CHRM3: variants seen among roughly 807,000 people sequenced by gnomAD.
CHRM3 encodes the protein cholinergic receptor muscarinic 3.
Under a neutral mutation model 41.8 loss-of-function variants are expected in CHRM3, and 11 were observed. That is an observed-to-expected ratio of 0.26 (90% CI 0.17 to 0.44). The LOEUF is 0.44. Among genes scored for constraint, CHRM3 ranks in the 20% least tolerant of loss-of-function variants. The pLI, the probability that CHRM3 is intolerant of heterozygous loss-of-function variation, is 1.00. For missense variants in CHRM3, 571 were observed against 745.4 expected (o/e 0.77, Z 2.72); for synonymous variants, 297 against 301.4 (o/e 0.99, Z 0.15).
At chr1:239,829,177 T>G (rs1314041558) in intron 6 of CHRM3, among the ~76,000 whole-genome samples, 2 of 152,218 alleles carry the variant, frequency 1.3e-5, no homozygotes, top group Non-Finnish European at 2.9e-5. Flanking sequence ...ACTGTAGGTA[T>G]GAGTAGAACT....
At chr1:239,510,242 AC>A (rs1376217163) in intron 2 of CHRM3, among the ~76,000 whole-genome samples, 2 of 152,268 alleles carry the variant, frequency 1.3e-5, no homozygotes, top group African/African-American at 4.8e-5. Flanking sequence ...CAAACATCAT[AC>A]CCCATTTTCT....
chr1:239,673,549 A>C (rs1198742543), intron 4 of CHRM3, among the ~76,000 whole-genome samples: 1 of 152,134 alleles, frequency 6.6e-6, no homozygotes, highest in Admixed American at 6.5e-5. Context: ...CTGTGTCTAT[A>C]TTTTCATTCA....
At chr1:239,501,708 A>G (rs1187641145) in intron 2 of CHRM3, among the ~76,000 whole-genome samples, 1 of 152,090 alleles carries the variant, frequency 6.6e-6, no homozygotes, top group African/African-American at 2.4e-5. Context: ...TACAAAAAAA[A>G]TTAGCTGGGT....
intron 2 of CHRM3, among the ~76,000 whole-genome samples, chr1:239,543,010 G>A (rs555696676): frequency 3.4e-4 from 51 of 152,112 alleles, no homozygotes; most frequent in Non-Finnish European, 6.2e-4. Context: ...TTAAATGGGG[G>A]CGAATGGAGG....
intron 6 of CHRM3, among the ~76,000 whole-genome samples, chr1:239,889,023 T>C (rs574164768): frequency 6.6e-6 from 1 of 152,304 alleles, no homozygotes; most frequent in Non-Finnish European, 1.5e-5. Flanking sequence ...CAAGGTTCAC[T>C]GTCTCATGGC....
intron 4 of CHRM3, among the ~76,000 whole-genome samples, chr1:239,647,137 C>T (rs1671805483): frequency 6.6e-6 from 1 of 152,132 alleles, no homozygotes; most frequent in South Asian, 2.1e-4. Context: ...TCCTCTTAGG[C>T]TCTCCATTGA....
intron 1 of CHRM3, among the ~76,000 whole-genome samples, chr1:239,442,912 T>C (rs916156786): frequency 6.6e-6 from 1 of 152,200 alleles, no homozygotes; most frequent in African/African-American, 2.4e-5. Context: ...CCTTGTGTTA[T>C]GGGGTAGAAG....
In CHRM3 at chr1:239,545,285, C is replaced by G. The variant is rs138682003; in HGVS notation, c.-421-356C>G. Among the ~76,000 whole-genome samples the G allele has an allele frequency of 3.9e-3, 594 of 152,188 alleles. 4 individuals carry two copies. Among genetic ancestry groups the G allele is most frequent in the African/African-American group, 0.014 (578 of 41,508 alleles). Reference sequence around the variant, plus strand: ...AAATAGGAGCTAGGCTATGGGTACACAAAGGCATCCGAGTGATAATAATGG... The same window carrying G: ...AAATAGGAGCTAGGCTATGGGTACAGAAAGGCATCCGAGTGATAATAATGG... On this transcript the variant is annotated intron_variant, in intron 2 of 6. Coordinates refer to ENST00000676153, the MANE Select transcript of CHRM3 (RefSeq NM_001375978.1).
intron 1 of CHRM3, among the ~76,000 whole-genome samples, chr1:239,400,777 T>C (rs1296424600): frequency 1.3e-5 from 2 of 152,226 alleles, no homozygotes; most frequent in South Asian, 2.1e-4. Context: ...AGATTTATTT[T>C]TGGGCTCTTT....
At chr1:239,634,643 G>A (rs529366836) in intron 4 of CHRM3, among the ~76,000 whole-genome samples, 104 of 151,322 alleles carry the variant, frequency 6.9e-4, no homozygotes, top group South Asian at 4.4e-3. Context: ...AGTATTCTCC[G>A]CCTAACAATC....
chr1:239,465,822 G>A (rs1558243640), intron 1 of CHRM3, among the ~76,000 whole-genome samples: 1 of 151,990 alleles, frequency 6.6e-6, no homozygotes. Flanking sequence ...GTAGTACCAA[G>A]TATGTAAAAG....
At chr1:239,518,920 A>G (rs1410426829) in intron 2 of CHRM3, among the ~76,000 whole-genome samples, 3 of 152,224 alleles carry the variant, frequency 2.0e-5, no homozygotes, top group Non-Finnish European at 4.4e-5. Context: ...AAAGTTTTAT[A>G]CATATATTTT....
intron 2 of CHRM3, among the ~76,000 whole-genome samples, chr1:239,526,783 T>G (rs1384996995): frequency 6.6e-6 from 1 of 152,186 alleles, no homozygotes; most frequent in African/African-American, 2.4e-5. Flanking sequence ...ACATTAATAA[T>G]GACGAGAATA....
intron 2 of CHRM3, among the ~76,000 whole-genome samples, chr1:239,518,117 A>G (rs576558683): frequency 5.9e-5 from 9 of 152,180 alleles, no homozygotes; most frequent in Admixed American, 2.0e-4. Context: ...AAAAACAACG[A>G]CAACAACAAC....
In CHRM3 at chr1:239,846,156, A is replaced by G. The variant is rs530160998; in HGVS notation, c.-20+18778A>G. 9.2e-5 allele frequency among the ~76,000 whole-genome samples: 14 copies of G among 152,190 alleles called. 1 individual carries two copies. The South Asian group carries it at 2.3e-3, about 25-fold the overall frequency. On this transcript the variant is annotated intron_variant, in intron 6 of 6. Coordinates refer to ENST00000676153, the MANE Select transcript of CHRM3 (RefSeq NM_001375978.1). The stretch of plus-strand genomic sequence containing the variant: ...CTGGGCCAGGGCTTTTGTGGATACC[A>G]TAAATTTGTGCTTTGTTTCCGTGTG...
intron 5 of CHRM3, among the ~76,000 whole-genome samples, chr1:239,773,832 G>T (rs1047991906): frequency 9.9e-5 from 15 of 152,140 alleles, no homozygotes; most frequent in African/African-American, 3.6e-4. Context: ...ATGCATAGGG[G>T]TTTCGTTAGA....
At chr1:239,405,248 C>T (rs886628272) in intron 1 of CHRM3, among the ~76,000 whole-genome samples, 2 of 152,106 alleles carry the variant, frequency 1.3e-5, no homozygotes, top group East Asian at 1.9e-4. Flanking sequence ...GCAAAACCCT[C>T]GAGCCAGGTG....
intron 3 of CHRM3, among the ~76,000 whole-genome samples, chr1:239,588,115 G>A (rs562960755): frequency 5.1e-4 from 77 of 152,220 alleles, no homozygotes; most frequent in African/African-American, 1.8e-3. Flanking sequence ...AATACATTAT[G>A]CCATTTTCTA....
At chr1:239,467,230 T>C (rs983054192) in intron 1 of CHRM3, among the ~76,000 whole-genome samples, 1 of 152,152 alleles carries the variant, frequency 6.6e-6, no homozygotes, top group African/African-American at 2.4e-5. Context: ...AAAATTATAT[T>C]TGTTTTAAAT....
Sources: gnomAD v4.1 joint callset for allele counts (sites outside exome capture counted in the v4.1 genomes callset) on GRCh38, gnomAD v4.1.1 for gene constraint, MANE v1.5 for transcripts, NCBI Gene and HGNC (gene_info 2026-07-23, HGNC 2026-07-21) for gene names.